ATCAY: variants seen among roughly 807,000 people sequenced by gnomAD.
ATCAY encodes the protein ATCAY kinesin light chain interacting caytaxin.
In ATCAY, 22 loss-of-function variants were observed where a neutral mutation model predicts 47.7. The observed-to-expected ratio is 0.46, with a 90% CI of 0.33 to 0.66. The LOEUF (loss-of-function observed/expected upper bound fraction) is 0.66. Among genes scored for constraint, ATCAY ranks in the 30% least tolerant of loss-of-function variants. The probability of loss-of-function intolerance (pLI) is 0.02; values close to 1 mark genes in which losing one functional copy is unlikely to be tolerated. For missense variants in ATCAY, 452 were observed against 515.0 expected, an observed-to-expected ratio of 0.88 and a Z score of 1.18; for synonymous variants, 216 against 207.6, an observed-to-expected ratio of 1.04 and a Z score of -0.35.
Position 3,924,619 on chromosome 19 carries a change from GGAA to G in ATCAY, c.*33_*35del, listed in dbSNP as rs762628026. 2 of 1,613,264 alleles carry G rather than the reference GGAA, an allele frequency of 1.2e-6. No individual in the cohort carries two copies. Among genetic ancestry groups the G allele is most frequent in the Non-Finnish European group, 1.7e-6 (2 of 1,179,490 alleles). On this transcript the variant is annotated 3_prime_UTR_variant, in exon 13 of 13. Transcript: ENST00000450849. ...GCGACGTGAGCATAACAAAGGACAT[GGAA>G]GAAGATTCCAGATGCCAGAAAACCT...
At chr19:3,891,091 A>C (rs2038714300) in intron 2 of ATCAY, among the ~76,000 whole-genome samples, 1 of 146,824 alleles carries the variant, frequency 6.8e-6, no homozygotes. Flanking sequence ...TCAGTGTATC[A>C]CCCAGGCTGG....
intron 1 of ATCAY, among the ~76,000 whole-genome samples, chr19:3,884,044 C>G (rs2038625549): frequency 6.6e-6 from 1 of 152,050 alleles, no homozygotes; most frequent in African/African-American, 2.4e-5. Flanking sequence ...TGGCTCACAC[C>G]TGTAATCCCA....
intron 9 of ATCAY, among the ~76,000 whole-genome samples, chr19:3,914,314 G>C (rs1001441424): frequency 1.3e-5 from 2 of 150,540 alleles, no homozygotes; most frequent in Non-Finnish European, 2.9e-5. Context: ...GAAGGCAAAA[G>C]GCACGTCTCC....
chr19:3,883,883 C>A (rs1349018620), intron 1 of ATCAY, among the ~76,000 whole-genome samples: 2 of 152,226 alleles, frequency 1.3e-5, no homozygotes, highest in Middle Eastern at 3.4e-3. Context: ...GTCTGCCATG[C>A]CCCAGAGCAG....
chr19:3,922,404 G>C (rs576546435), intron 12 of ATCAY, among the ~76,000 whole-genome samples: 1 of 152,254 alleles, frequency 6.6e-6, no homozygotes, highest in South Asian at 2.1e-4. Flanking sequence ...GCTGAGCAAA[G>C]GGGGGAAAGC....
In ATCAY at chr19:3,918,955, G is replaced by C. The variant is rs956838155; in HGVS notation, c.1073+78G>C. ...TACTCCCTTGGGGGAGGCTAGAGAG[G>C]AAGATGGGTCCTTGTTCAGGGACAG... is the stretch of plus-strand genomic sequence containing the variant. On this transcript the variant is annotated intron_variant, in intron 11 of 12. Coordinates refer to ENST00000450849, the MANE Select transcript of ATCAY (RefSeq NM_033064.5). The C allele has an allele frequency of 6.7e-5, 103 of 1,539,494 alleles. No individual in the cohort carries two copies. The Middle Eastern group carries it at 2.0e-3, about 30-fold the overall frequency.
intron 2 of ATCAY, among the ~76,000 whole-genome samples, chr19:3,892,867 C>T (rs544782802): frequency 2.0e-4 from 30 of 152,080 alleles, no homozygotes; most frequent in African/African-American, 5.5e-4. Context: ...CAGATTGTGC[C>T]GCCACACTCT....
Position 3,914,235 on chromosome 19 carries a change from C to CA in ATCAY, c.965+394dup, listed in dbSNP as rs56742726. 1.2e-3 allele frequency among the ~76,000 whole-genome samples: 73 copies of CA among 62,544 alleles called. 1 individual carries two copies. The highest frequency in any genetic ancestry group is 1.3e-3 in the South Asian group (2 of 1,548). 41.0% of individuals were successfully genotyped at this position (62,544 alleles called of 152,430 possible). Reference sequence around the variant, plus strand: ...TGGGCCACAGAGCGAGACTCCATCGCAAAAAAAAAAAAAAAGGGCTAACGG... The same window carrying CA: ...TGGGCCACAGAGCGAGACTCCATCGCAAAAAAAAAAAAAAAAGGGCTAACGG... On this transcript the variant is annotated intron_variant, in intron 9 of 12. Transcript: ENST00000450849.
intron 9 of ATCAY, among the ~76,000 whole-genome samples, chr19:3,916,613 C>A (rs1239169007): frequency 6.6e-6 from 1 of 152,186 alleles, no homozygotes; most frequent in Non-Finnish European, 1.5e-5. Flanking sequence ...CCTGCCTCAG[C>A]CTCCCGAGTA....
In ATCAY at chr19:3,890,829, C is replaced by A. The variant is rs1170559733; in HGVS notation, c.77+4985C>A. Among the ~76,000 whole-genome samples, 3 of 152,322 alleles carry A rather than the reference C, an allele frequency of 2.0e-5. No homozygotes were observed. The East Asian group carries it at 5.8e-4, about 29-fold the overall frequency. ...TACGCCTTTGCCAACAGGACACTTCCTCCACGAGGCTTCTGTCTTCCTCGT... is the reference window on the plus strand; with the variant it reads ...TACGCCTTTGCCAACAGGACACTTCATCCACGAGGCTTCTGTCTTCCTCGT... On this transcript the variant is annotated intron_variant, in intron 2 of 12. Transcript: ENST00000450849.
chr19:3,893,469 T>C lies in ATCAY; in HGVS notation c.77+7625T>C, dbSNP rs535997492. The C allele has an allele frequency of 2.6e-5, 4 of 152,530 alleles. 1 individual carries two copies. In the South Asian group the frequency reaches 8.3e-4, roughly 32 times the overall value. 9.4% of individuals were successfully genotyped at this position (152,530 alleles called of 1,614,324 possible). ...CTGGGATTACAGGTGTGAGCCACCA[T>C]GCCCGGCTAGGATTTCCACTTTTTA... On this transcript the variant is annotated intron_variant, in intron 2 of 12. Transcript: ENST00000450849.
At chr19:3,883,382 G>A (rs1376165211) in intron 1 of ATCAY, among the ~76,000 whole-genome samples, 1 of 152,136 alleles carries the variant, frequency 6.6e-6, no homozygotes, top group Non-Finnish European at 1.5e-5. Context: ...CTAGCTACTC[G>A]GAAGCTGTTG....
intron 2 of ATCAY, chr19:3,895,010 G>A: frequency 1.1e-5 from 4 of 365,470 alleles, no homozygotes; most frequent in South Asian, 2.0e-5. Context: ...CCACCCCACA[G>A]ATTTTTTTCT....
intron 4 of ATCAY, among the ~76,000 whole-genome samples, chr19:3,906,581 G>A (rs1479363353): frequency 6.6e-6 from 1 of 152,016 alleles, no homozygotes; most frequent in African/African-American, 2.4e-5. Context: ...GGGATCACAG[G>A]TGTGAGCCAC....
At chr19:3,918,908 C>G (rs745898603) in intron 11 of ATCAY, 31 bp downstream of exon 11, 70 of 1,612,714 alleles carry the variant, frequency 4.3e-5, no homozygotes, top group Admixed American at 1.0e-4. Context: ...GGGCAGAGAG[C>G]TGACAGTCAC....
At chr19:3,884,208 G>GC (rs1321213393) in intron 1 of ATCAY, among the ~76,000 whole-genome samples, 1 of 152,030 alleles carries the variant, frequency 6.6e-6, no homozygotes, top group Middle Eastern at 3.2e-3. Flanking sequence ...GATCGCTTGA[G>GC]CCCAGGAGTT....
chr19:3,921,233 G>A (rs113731213), intron 12 of ATCAY, among the ~76,000 whole-genome samples: 102 of 151,540 alleles, frequency 6.7e-4, no homozygotes, highest in African/African-American at 2.2e-3. Context: ...CCCTGTGGCC[G>A]GGCGCAGCGT....
chr19:3,891,350 CT>C (rs2038717873), intron 2 of ATCAY, among the ~76,000 whole-genome samples: 1 of 152,088 alleles, frequency 6.6e-6, no homozygotes, highest in Admixed American at 6.6e-5. Context: ...CGCGCCCGGC[CT>C]CCTTCTAGCA....
chr19:3,885,272 A>T (rs1305787420), intron 1 of ATCAY, among the ~76,000 whole-genome samples: 1 of 151,586 alleles, frequency 6.6e-6, no homozygotes, highest in Non-Finnish European at 1.5e-5. Context: ...TACAAAAATT[A>T]GCCGGGTGTG....
Sources: gnomAD v4.1 joint callset for allele counts (sites outside exome capture counted in the v4.1 genomes callset) on GRCh38, gnomAD v4.1.1 for gene constraint, MANE v1.5 for transcripts, NCBI Gene and HGNC (gene_info 2026-07-23, HGNC 2026-07-21) for gene names.